PLPPR1: variants seen among roughly 807,000 people sequenced by gnomAD.
PLPPR1 encodes the protein phospholipid phosphatase related 1.
PLPPR1 carries 10 observed loss-of-function variants against 33.1 expected under a neutral mutation model. That is an observed-to-expected ratio of 0.30 (90% CI 0.19 to 0.51). The LOEUF is 0.51. Ranked by LOEUF, PLPPR1 falls within the 20% of genes least tolerant of loss-of-function variation. The pLI is 0.97. For missense variants in PLPPR1, 304 were observed against 408.1 expected, an observed-to-expected ratio of 0.74 and a Z score of 2.20; for synonymous variants, 151 against 151.0, an observed-to-expected ratio of 1.00 and a Z score of 0.00.
chr9:101,270,580 G>A (rs1239710883), intron 3 of PLPPR1, among the ~76,000 whole-genome samples: 1 of 152,060 alleles, frequency 6.6e-6, no homozygotes, highest in Non-Finnish European at 1.5e-5. Context: ...GATGGCTCTG[G>A]CTCTGTTCAC....
chr9:101,163,716 A>C (rs1034110909), intron 1 of PLPPR1, among the ~76,000 whole-genome samples: 2 of 152,206 alleles, frequency 1.3e-5, no homozygotes, highest in Admixed American at 6.6e-5. Context: ...GGATGAGAAC[A>C]CTGTAACAGG....
intron 2 of PLPPR1, among the ~76,000 whole-genome samples, chr9:101,246,935 A>T (rs892664883): frequency 9.9e-5 from 15 of 151,948 alleles, no homozygotes; most frequent in African/African-American, 3.4e-4. Context: ...ACCCAGTTGT[A>T]TTCTCCTGGC....
At chr9:101,147,993 T>G (rs1831540570) in intron 1 of PLPPR1, among the ~76,000 whole-genome samples, 1 of 152,170 alleles carries the variant, frequency 6.6e-6, no homozygotes, top group South Asian at 2.1e-4. Context: ...GGATGCCCAT[T>G]CACTTGAGGG....
At chr9:101,208,769 T>C (rs1209324598) in intron 2 of PLPPR1, among the ~76,000 whole-genome samples, 1 of 152,172 alleles carries the variant, frequency 6.6e-6, no homozygotes, top group Non-Finnish European at 1.5e-5. Context: ...CCCACAAAAA[T>C]TCTAATTCAT....
intron 4 of PLPPR1, among the ~76,000 whole-genome samples, chr9:101,287,492 AC>A (rs781675660): frequency 4.6e-5 from 7 of 152,080 alleles, no homozygotes; most frequent in Non-Finnish European, 8.8e-5. Context: ...TCTACCCAAA[AC>A]CCTGTAAGGT....
chr9:101,167,183 T>TGTGTGTGTGTGTGTGTGTGTGTGTGTGA, intron 1 of PLPPR1, among the ~76,000 whole-genome samples: 1 of 67,346 alleles, frequency 1.5e-5, no homozygotes. Flanking sequence ...TGTGTGTGTG[T>TGTGTGTGTGTGTGTGTGTGTGTGTGTGA]CTTTCTCTCT....
chr9:101,072,666 G>A (rs1337426065), intron 1 of PLPPR1, among the ~76,000 whole-genome samples: 3 of 152,102 alleles, frequency 2.0e-5, no homozygotes, highest in Non-Finnish European at 4.4e-5. Flanking sequence ...ATGTAGGGTA[G>A]GCAAATAATA....
intron 2 of PLPPR1, among the ~76,000 whole-genome samples, chr9:101,198,898 A>G (rs1278788300): frequency 6.6e-6 from 1 of 152,200 alleles, no homozygotes; most frequent in African/African-American, 2.4e-5. Context: ...CAGAGGCCAA[A>G]TCATGCAGTA....
At chr9:101,159,260 T>C (rs1831741415) in intron 1 of PLPPR1, among the ~76,000 whole-genome samples, 1 of 152,204 alleles carries the variant, frequency 6.6e-6, no homozygotes, top group Non-Finnish European at 1.5e-5. Context: ...TTGGTGTCTA[T>C]TACTACAGAG....
At chr9:101,147,676 A>G (rs2118643723) in intron 1 of PLPPR1, among the ~76,000 whole-genome samples, 1 of 152,294 alleles carries the variant, frequency 6.6e-6, no homozygotes, top group Non-Finnish European at 1.5e-5. Context: ...CAGCTCATAC[A>G]GCAGGTATTT....
intron 1 of PLPPR1, among the ~76,000 whole-genome samples, chr9:101,142,596 C>G (rs17829926): frequency 0.16 from 24,041 of 152,226 alleles, 2,126 homozygotes; most frequent in Non-Finnish European, 0.2. Context: ...TCTACATTCC[C>G]TATTTAACTT....
chr9:101,067,403 A>G (rs1830431811), intron 1 of PLPPR1, among the ~76,000 whole-genome samples: 1 of 152,072 alleles, frequency 6.6e-6, no homozygotes, highest in Admixed American at 6.6e-5. Context: ...TTTGTAAAAC[A>G]AATATGGTTC....
chr9:101,204,139 T>C (rs1201232334), intron 2 of PLPPR1, among the ~76,000 whole-genome samples: 1 of 152,200 alleles, frequency 6.6e-6, no homozygotes, highest in African/African-American at 2.4e-5. Flanking sequence ...AACCTAAGCT[T>C]GGTCTCATAA....
intron 1 of PLPPR1, among the ~76,000 whole-genome samples, chr9:101,136,632 T>C (rs1831380800): frequency 1.3e-5 from 2 of 152,262 alleles, no homozygotes. Flanking sequence ...GAATTGTATT[T>C]ATTCTGTGTG....
At chr9:101,209,753 G>T (rs1021151491) in intron 2 of PLPPR1, among the ~76,000 whole-genome samples, 1 of 152,192 alleles carries the variant, frequency 6.6e-6, no homozygotes, top group Non-Finnish European at 1.5e-5. Context: ...TCATTTTTCA[G>T]CTACTGAGGT....
chr9:101,160,214 G>T (rs1226568254), intron 1 of PLPPR1, among the ~76,000 whole-genome samples: 3 of 152,180 alleles, frequency 2.0e-5, no homozygotes, highest in Non-Finnish European at 4.4e-5. Flanking sequence ...GTGGGGTTGT[G>T]TCTGAGGACT....
At chr9:101,241,239 G>C (rs1468667840) in intron 2 of PLPPR1, among the ~76,000 whole-genome samples, 2 of 152,040 alleles carry the variant, frequency 1.3e-5, no homozygotes, top group South Asian at 2.1e-4. Flanking sequence ...GCAGACAGAT[G>C]AGGTCTCTGT....
At chr9:101,150,040 T>G (rs1287067015) in intron 1 of PLPPR1, among the ~76,000 whole-genome samples, 1 of 152,100 alleles carries the variant, frequency 6.6e-6, no homozygotes, top group Non-Finnish European at 1.5e-5. Context: ...TCCACAGCTG[T>G]TTTTCAGTTG....
chr9:101,268,576 C>T (rs987896206), intron 2 of PLPPR1, among the ~76,000 whole-genome samples: 1 of 152,130 alleles, frequency 6.6e-6, no homozygotes, highest in Non-Finnish European at 1.5e-5. Flanking sequence ...TGCTTTTTTC[C>T]TACAGATCAG....
Sources: allele counts gnomAD v4.1 joint callset (sites outside exome capture counted in the v4.1 genomes callset), GRCh38; gene constraint gnomAD v4.1.1; transcripts MANE v1.5; gene names NCBI Gene and HGNC (gene_info 2026-07-23, HGNC 2026-07-21).